Variants in CCDC88A observed in about 807,000 individuals in gnomAD.
The protein encoded by CCDC88A is coiled-coil and HOOK domain protein 88A, also known as girdin.
CCDC88A carries 54 observed loss-of-function variants against 234.3 expected under a neutral mutation model. That is an observed-to-expected ratio of 0.23 (90% CI 0.19 to 0.29). The LOEUF is 0.29. Among genes scored for constraint, CCDC88A ranks in the 10% least tolerant of loss-of-function variants. CCDC88A has a pLI of 1.00. For missense variants in CCDC88A, 1,832 were observed against 2,123.4 expected (o/e 0.86, Z 2.70); for synonymous variants, 753 against 737.8 (o/e 1.02, Z -0.33).
chr2:55,317,518 G>A lies in CCDC88A; in HGVS notation c.3602+46C>T, dbSNP rs1683135347. 6 of 1,386,302 alleles carry A rather than the reference G, an allele frequency of 4.3e-6. No homozygotes were observed. Among genetic ancestry groups the A allele is most frequent in the Non-Finnish European group, 5.8e-6 (6 of 1,034,070 alleles). The allele number at this position is 1,386,302 out of a possible 1,614,324, so 85.9% of individuals were successfully genotyped here. On this transcript the variant is annotated intron_variant, in intron 20 of 32. Transcript: ENST00000436346. This position sits in a 1 kb window ranked among gnomAD's most constrained non-coding sequence, Gnocchi z 4.2. Reference sequence around the variant, plus strand: ...TATAAAATTTATTATACTACTTGAAGAAAATTCATTTTAAATTCACAGTAC... The same window carrying A: ...TATAAAATTTATTATACTACTTGAAAAAAATTCATTTTAAATTCACAGTAC...
At chr2:55,399,780 G>A (rs769847383) in intron 2 of CCDC88A, 2 of 152,086 alleles carry the variant, frequency 1.3e-5, no homozygotes, top group South Asian at 2.1e-4. Context: ...CATAGAATTC[G>A]ATGTCAGGAA....
chr2:55,312,609 T>C, intron 22 of CCDC88A, 30 bp from the exon 23 acceptor site: 1 of 1,527,506 alleles, frequency 6.5e-7, no homozygotes, highest in Non-Finnish European at 9.0e-7. Context: ...TTTTAAAAAA[T>C]CAACATTTAC....
intron 2 of CCDC88A, chr2:55,418,103 C>T (rs1681773753): frequency 6.6e-6 from 1 of 152,154 alleles, no homozygotes; most frequent in African/African-American, 2.4e-5. Flanking sequence ...CAAAAGCATA[C>T]TTTCCTACTT....
At chr2:55,365,975 C>T (rs1421359379) in intron 5 of CCDC88A, among the ~76,000 whole-genome samples, 1 of 152,162 alleles carries the variant, frequency 6.6e-6, no homozygotes, top group Non-Finnish European at 1.5e-5. Flanking sequence ...TAAATAGCCA[C>T]ATGCGGCTAG....
chr2:55,322,262 G>C (rs940674230), intron 18 of CCDC88A, among the ~76,000 whole-genome samples: 1 of 152,172 alleles, frequency 6.6e-6, no homozygotes, highest in Non-Finnish European at 1.5e-5. Flanking sequence ...CAACTTTACT[G>C]GGGGAAGAAG....
intron 8 of CCDC88A, among the ~76,000 whole-genome samples, chr2:55,352,300 C>T (rs1159382310): frequency 6.6e-6 from 1 of 151,872 alleles, no homozygotes; most frequent in Non-Finnish European, 1.5e-5. Context: ...CGTGGTGGTG[C>T]ATGCCTGTAA....
At chr2:55,381,411 G>T (rs1021941621) in intron 3 of CCDC88A, among the ~76,000 whole-genome samples, 1 of 151,896 alleles carries the variant, frequency 6.6e-6, no homozygotes, top group Non-Finnish European at 1.5e-5. Flanking sequence ...AAATTAGCCG[G>T]GTGTAGTGGC....
chr2:55,377,559 C>G (rs1298696507), intron 3 of CCDC88A, among the ~76,000 whole-genome samples: 9 of 151,754 alleles, frequency 5.9e-5, no homozygotes, highest in Non-Finnish European at 1.0e-4. Flanking sequence ...GACGAAAGAG[C>G]CTTCAAATTC....
chr2:55,342,932 C>T (rs991627165), intron 12 of CCDC88A, among the ~76,000 whole-genome samples: 18 of 152,048 alleles, frequency 1.2e-4, no homozygotes, highest in Non-Finnish European at 2.2e-4. Context: ...AGTTTTGAAA[C>T]TAGTCTAATT....
chr2:55,346,101 A>T, intron 10 of CCDC88A, 74 bp downstream of exon 10: 1 of 1,040,526 alleles, frequency 9.6e-7, no homozygotes. Flanking sequence ...TCTCATGTTT[A>T]TTAACTGCAT....
chr2:55,393,885 T>C (rs191149173), intron 2 of CCDC88A, among the ~76,000 whole-genome samples: 55 of 152,346 alleles, frequency 3.6e-4, no homozygotes, highest in Admixed American at 3.5e-3. Context: ...ATAGATACCA[T>C]CTATGAGACA....
At position 55,419,426 on chromosome 2, in the gene CCDC88A, G is replaced by T; in HGVS notation, c.-347C>A. The T allele has an allele frequency of 3.5e-6, 1 of 285,300 alleles. No individual in the cohort carries two copies. Among genetic ancestry groups the T allele is most frequent in the Non-Finnish European group, 6.7e-6 (1 of 148,720 alleles). The allele number at this position is 285,300 out of a possible 1,614,324, so 17.7% of individuals were successfully genotyped here. A position where few individuals can be genotyped will look rare whatever the true frequency, so the allele number is the denominator to read the frequency against. ...CCGTCAAGGTTGTCCAGCTCCTGGA[G>T]GATCCAGACCAGCGAAACTGCTCCC... On this transcript the variant is annotated 5_prime_UTR_variant, in exon 1 of 33. Coordinates refer to ENST00000436346, the MANE Select transcript of CCDC88A (RefSeq NM_001365480.1).
chr2:55,339,539 A>T lies in CCDC88A; in HGVS notation c.1443T>A (p.Thr481=). The change falls in exon 13 of 33, where the codon ACT becomes ACA. Residue 481 remains threonine, a synonymous_variant. Transcript: ENST00000436346. ...CATTGCCTTCTACAGAATCCACAGT[A>T]GTCCGAAGCTCTTCTACGGTTTTTG... The part of the protein sequence containing the change: ...SLTKTVEELR[T]TVDSVEGNAS... 6.2e-7 allele frequency: 1 copy of T among 1,613,734 alleles called. No individual in the cohort carries two copies. The highest frequency in any genetic ancestry group is 8.5e-7 in the Non-Finnish European group (1 of 1,179,856).
chr2:55,320,085 T>G (rs975096630), intron 18 of CCDC88A, among the ~76,000 whole-genome samples: 3 of 152,164 alleles, frequency 2.0e-5, no homozygotes, highest in Non-Finnish European at 4.4e-5. Flanking sequence ...TAAGATGCGT[T>G]ATGATTTTAT....
chr2:55,368,220 A>G (rs1438566326), intron 5 of CCDC88A, among the ~76,000 whole-genome samples: 1 of 152,152 alleles, frequency 6.6e-6, no homozygotes, highest in Non-Finnish European at 1.5e-5. Flanking sequence ...TAACAAAAAT[A>G]CCCAAGCCCT....
At chr2:55,304,259 C>A (rs1681260475) in intron 25 of CCDC88A, among the ~76,000 whole-genome samples, 1 of 152,180 alleles carries the variant, frequency 6.6e-6, no homozygotes, top group African/African-American at 2.4e-5. Context: ...GATCACGCCA[C>A]TGCACTCCAG....
chr2:55,406,858 G>A (rs911262360), intron 2 of CCDC88A, among the ~76,000 whole-genome samples: 1 of 152,168 alleles, frequency 6.6e-6, no homozygotes, highest in Admixed American at 6.5e-5. Flanking sequence ...TAACAGTTAT[G>A]TTATCGATGA....
At chr2:55,367,528 G>GTTTTTTTTTTTTTTTTTTTTTTTTTTTT in intron 5 of CCDC88A, among the ~76,000 whole-genome samples, 1,634 of 99,558 alleles carry the variant, frequency 0.016, 186 homozygotes, top group African/African-American at 0.03. Flanking sequence ...TTATTTCCTT[G>GTTTTTTTTTTTTTTTTTTTTTTTTTTTT]TTTTTTTTTA....
chr2:55,344,802 G>C (rs886537544), intron 10 of CCDC88A, among the ~76,000 whole-genome samples: 1 of 152,094 alleles, frequency 6.6e-6, no homozygotes, highest in African/African-American at 2.4e-5. Flanking sequence ...TAAGTACAAG[G>C]AGTCTTCCAG....
Sources: gnomAD v4.1 joint callset for allele counts (sites outside exome capture counted in the v4.1 genomes callset) on GRCh38, gnomAD v4.1.1 for gene constraint, Gnocchi (gnomAD v3.1) non-coding constraint, MANE v1.5 for transcripts, NCBI Gene and HGNC (gene_info 2026-07-23, HGNC 2026-07-21) for gene names.